Variants in SHF observed in about 807,000 individuals in gnomAD.
The protein encoded by SHF is SH2 domain-containing adapter protein F.
Under a neutral mutation model 42.4 loss-of-function variants are expected in SHF, and 30 were observed. That is an observed-to-expected ratio of 0.71 (90% CI 0.53 to 0.96). The LOEUF (loss-of-function observed/expected upper bound fraction) is 0.96. SHF is among the 40% of genes least tolerant of loss of function. The pLI, the probability that SHF is intolerant of heterozygous loss-of-function variation, is 0.00. For synonymous variants in SHF, 264 were observed against 269.9 expected, an observed-to-expected ratio of 0.98 and a Z score of 0.21; for missense variants, 598 against 634.0, an observed-to-expected ratio of 0.94 and a Z score of 0.61.
chr15:45,170,563 G>C, intron 6 of SHF: 1 of 600,290 alleles, frequency 1.7e-6, no homozygotes, highest in Middle Eastern at 4.1e-4. Flanking sequence ...ATTTCCCTAG[G>C]ATCACATAGC....
intron 2 of SHF, among the ~76,000 whole-genome samples, chr15:45,176,998 G>GT (rs1897846831): frequency 3.9e-5 from 6 of 152,106 alleles, no homozygotes; most frequent in African/African-American, 1.4e-4. Context: ...TACTGCTAGG[G>GT]TGAACCTCCA....
In SHF at chr15:45,187,769, GCCC is replaced by G; in HGVS notation, c.180_182del (p.Gly66del). 9 of 874,258 alleles carry G rather than the reference GCCC, an allele frequency of 1.0e-5. No homozygotes were observed. Among genetic ancestry groups the G allele is most frequent in the South Asian group, 5.6e-5 (1 of 17,736 alleles). The allele number at this position is 874,258 out of a possible 1,614,324, so 54.2% of individuals were successfully genotyped here. ...CCGGCTTGCTGCCCCCTCCGCCGCC[GCCC>G]CCCCCGCGGAAGCCCAGGTGCTCCC... On this transcript the variant is annotated inframe_deletion, in exon 1 of 7. Coordinates refer to ENST00000690270, the MANE Select transcript of SHF (RefSeq NM_001394037.1).
intron 2 of SHF, among the ~76,000 whole-genome samples, chr15:45,198,129 C>T (rs1277628160): frequency 2.6e-5 from 4 of 151,980 alleles, no homozygotes; most frequent in Non-Finnish European, 5.9e-5. Flanking sequence ...AAAAAATTAT[C>T]CGAGCATGGT....
chr15:45,198,847 C>T (rs1177296284), exon 2 of SHF: 2 of 1,613,998 alleles, frequency 1.2e-6, no homozygotes, highest in Non-Finnish European at 1.7e-6. Flanking sequence ...TTTTCTTCTT[C>T]TGTTTTGGCC....
intron 1 of SHF, among the ~76,000 whole-genome samples, chr15:45,186,121 C>T (rs111230516): frequency 0.012 from 1,802 of 152,364 alleles, 40 homozygotes; most frequent in African/African-American, 0.041. Flanking sequence ...TCACTACCTC[C>T]ATCACATCAC....
rs543193173 is a variant in SHF at position 45,198,675 on chromosome 15, G to T, written c.303+97C>A. On this transcript the variant is annotated intron_variant, in intron 2 of 7. Transcript: ENST00000290894. ...AGAGTACTAACCACTATACGATCAC[G>T]GCGAGCTACCGGGGACCCGTAGGGG... 11 of 1,472,076 alleles carry T rather than the reference G, an allele frequency of 7.5e-6. No homozygotes were observed. In the South Asian group the frequency reaches 1.4e-4, roughly 19 times the overall value. The allele number at this position is 1,472,076 out of a possible 1,614,324, so 91.2% of individuals were successfully genotyped here. A position where few individuals can be genotyped will look rare whatever the true frequency, so the allele number is the denominator to read the frequency against.
At chr15:45,197,461 G>A (rs1898901850) in intron 2 of SHF, among the ~76,000 whole-genome samples, 1 of 152,120 alleles carries the variant, frequency 6.6e-6, no homozygotes, top group African/African-American at 2.4e-5. Context: ...TAAGAGAAGG[G>A]GGACACGGGA....
At chr15:45,198,637 G>A (rs1175573713) in intron 2 of SHF, 8 of 1,130,706 alleles carry the variant, frequency 7.1e-6, no homozygotes, top group Non-Finnish European at 9.6e-6. Context: ...CGAGGTTGCT[G>A]CGGCCACAAC....
Position 45,178,231 on chromosome 15 carries a change from C to T in SHF, c.574G>A (p.Ala192Thr), listed in dbSNP as rs1345052126. The change falls in exon 2 of 7, where the codon GCC becomes ACC. Residue 192 changes from alanine to threonine, a missense_variant. Physicochemically the swap from Ala to Thr is moderately conservative, Grantham distance 58. Around this residue, in one of 2 missense-constraint regions of SHF, gnomAD observed 439 missense variants for 524.6 expected, o/e 0.84. Transcript: ENST00000690270. ...TGEGSAGASG[A>T]PEKVPENDGY... ...TCATTTTCAGGGACCTTCTCTGGGG[C>T]TCCTGAAGCTCCTGCTGAGCCTTCG... is the stretch of plus-strand genomic sequence containing the variant. 4 of 1,613,834 alleles carry T rather than the reference C, an allele frequency of 2.5e-6. No individual in the cohort carries two copies. Among genetic ancestry groups the T allele is most frequent in the Non-Finnish European group, 3.4e-6 (4 of 1,179,910 alleles).
chr15:45,193,464 A>C (rs1443845580), intron 2 of SHF, among the ~76,000 whole-genome samples: 1 of 152,178 alleles, frequency 6.6e-6, no homozygotes, highest in African/African-American at 2.4e-5. Flanking sequence ...CACAATATAC[A>C]TGTGAGAGGA....
chr15:45,167,416 C>T lies in SHF; in HGVS notation c.*531G>A, dbSNP rs1296704481. The T allele has an allele frequency of 6.6e-6, 1 of 152,670 alleles. No individual in the cohort carries two copies. The highest frequency in any genetic ancestry group is 1.9e-4 in the East Asian group (1 of 5,186). 9.5% of individuals were successfully genotyped at this position (152,670 alleles called of 1,614,324 possible). On this transcript the variant is annotated 3_prime_UTR_variant, in exon 7 of 7. Transcript: ENST00000690270. ...ACTGCACAGTTCCCTCTGCCCGAGCCCCTCCCCTTCTCTCCCCACCCCCCA... is the reference window on the plus strand; with the variant it reads ...ACTGCACAGTTCCCTCTGCCCGAGCTCCTCCCCTTCTCTCCCCACCCCCCA...
intron 1 of SHF, among the ~76,000 whole-genome samples, chr15:45,186,671 A>ACCAGGGGGAGAGGGAGG (rs1365617551): frequency 2.0e-5 from 3 of 152,240 alleles, no homozygotes; most frequent in Non-Finnish European, 4.4e-5. Context: ...CTCAGAATGG[A>ACCAGGGGGAGAGGGAGG]CCAGGGGGAG....
upstream of SHF, chr15:45,187,980 G>A (rs867014085): frequency 5.5e-3 from 6,151 of 1,125,540 alleles, 336 homozygotes; most frequent in African/African-American, 0.097. Context: ...CGAGGGGAGC[G>A]CAGCGGCGGG....
At chr15:45,178,097 G>T in intron 2 of SHF, 68 bp downstream of exon 2, 1 of 1,545,316 alleles carries the variant, frequency 6.5e-7, no homozygotes, top group Non-Finnish European at 8.7e-7. Flanking sequence ...CCTTAGACTT[G>T]TGAGTCGCAA....
At chr15:45,187,191 C>A (rs929518822) in intron 1 of SHF, among the ~76,000 whole-genome samples, 10 of 152,172 alleles carry the variant, frequency 6.6e-5, no homozygotes, top group Non-Finnish European at 1.3e-4. Flanking sequence ...GGAGAGCCAG[C>A]CCGGGAGGGG....
Position 45,167,715 on chromosome 15 carries a change from G to A in SHF, c.*232C>T. ...GTAGCTCTGGAACCCCCTTCCTCCAGGGGCTATCCTTTCTCTCCAGGGATT... is the reference window on the plus strand; with the variant it reads ...GTAGCTCTGGAACCCCCTTCCTCCAAGGGCTATCCTTTCTCTCCAGGGATT... On this transcript the variant is annotated 3_prime_UTR_variant, in exon 7 of 7. Transcript: ENST00000690270. 2.6e-6 allele frequency: 1 copy of A among 377,798 alleles called. No homozygotes were observed. Among genetic ancestry groups the A allele is most frequent in the African/African-American group, 2.1e-5 (1 of 48,406 alleles). The allele number at this position is 377,798 out of a possible 1,614,324, so 23.4% of individuals were successfully genotyped here. A position where few individuals can be genotyped will look rare whatever the true frequency, so the allele number is the denominator to read the frequency against.
chr15:45,199,047 T>G (rs1898977336), exon 2 of SHF: 2 of 1,597,414 alleles, frequency 1.3e-6, no homozygotes, highest in Middle Eastern at 1.7e-4. Context: ...CAGGGGGCGC[T>G]CCTCACGGGT....
At chr15:45,172,749 C>T (rs755897259) in intron 4 of SHF, among the ~76,000 whole-genome samples, 1 of 152,206 alleles carries the variant, frequency 6.6e-6, no homozygotes, top group Admixed American at 6.5e-5. Flanking sequence ...AATGACTTAT[C>T]GATCTGAGAA....
At chr15:45,192,256 T>TA (rs766144289), upstream of SHF, among the ~76,000 whole-genome samples, 3 of 137,774 alleles carry the variant, frequency 2.2e-5, no homozygotes, top group Non-Finnish European at 3.0e-5. Context: ...TTTCTTTTTT[T>TA]ATTTTGTTTT....
Sources: allele counts gnomAD v4.1 joint callset (sites outside exome capture counted in the v4.1 genomes callset), GRCh38; gene constraint gnomAD v4.1.1; regional missense constraint gnomAD v4.1.1; transcripts MANE v1.5; gene names NCBI Gene and HGNC (gene_info 2026-07-23, HGNC 2026-07-21).